Variants in IQCM observed in about 807,000 individuals in gnomAD.
IQCM encodes the protein IQ motif containing M, also known as IQ domain-containing protein M.
A neutral mutation model predicts 57.6 loss-of-function variants in IQCM; 45 were observed. The observed-to-expected ratio is 0.78, with a 90% confidence interval of 0.62 to 1.00. IQCM has a LOEUF of 1.00. IQCM is among the 50% of genes least tolerant of loss of function. IQCM has a pLI of 0.00. For missense variants in IQCM, 468 were observed against 511.6 expected, an observed-to-expected ratio of 0.91 and a Z score of 0.82; for synonymous variants, 148 against 158.9, an observed-to-expected ratio of 0.93 and a Z score of 0.51.
chr4:149,792,225 A>G (rs1772692696), intron 2 of IQCM, among the ~76,000 whole-genome samples: 1 of 152,150 alleles, frequency 6.6e-6, no homozygotes, highest in Non-Finnish European at 1.5e-5. Context: ...ATATTCAACG[A>G]AAAGATTAAC....
rs75590893 is a variant in IQCM, at chr4:149,566,766, A to G, written c.750-2876T>C. 3.5e-3 allele frequency among the ~76,000 whole-genome samples: 529 copies of G among 152,326 alleles called. 2 individuals carry two copies. Among genetic ancestry groups the G allele is most frequent in the African/African-American group, 0.01 (433 of 41,580 alleles). The stretch of plus-strand genomic sequence containing the variant: ...AAACAGATGTACTTTGATCAATACT[A>G]TATCTCTAGATAATTGGAATGTTAA... On this transcript the variant is annotated intron_variant, in intron 9 of 13. Coordinates refer to ENST00000636793, the MANE Select transcript of IQCM (RefSeq NM_001363507.2).
intron 13 of IQCM, among the ~76,000 whole-genome samples, chr4:149,376,851 A>G (rs186241262): frequency 5.8e-4 from 89 of 152,248 alleles, no homozygotes; most frequent in Non-Finnish European, 9.4e-4. Context: ...AAGGCTTTAA[A>G]TCTTGTATGA....
At chr4:149,431,804 TC>T (rs1734891143) in intron 13 of IQCM, among the ~76,000 whole-genome samples, 1 of 151,978 alleles carries the variant, frequency 6.6e-6, no homozygotes, top group Non-Finnish European at 1.5e-5. Context: ...GTTGTGTACA[TC>T]AATAGTTCAC....
chr4:149,402,317 T>A (rs1732671184), intron 13 of IQCM, among the ~76,000 whole-genome samples: 1 of 151,722 alleles, frequency 6.6e-6, no homozygotes, highest in Non-Finnish European at 1.5e-5. Flanking sequence ...TAAAGAAGAA[T>A]CAGTGATGGG....
intron 12 of IQCM, among the ~76,000 whole-genome samples, chr4:149,442,953 C>CACAGAGAG (rs1410484547): frequency 3.1e-5 from 3 of 98,002 alleles, no homozygotes; most frequent in African/African-American, 1.1e-4. Flanking sequence ...CACACACACA[C>CACAGAGAG]AGAGAGAGAG....
At chr4:149,386,653 C>G (rs1405576699) in intron 13 of IQCM, among the ~76,000 whole-genome samples, 1 of 151,966 alleles carries the variant, frequency 6.6e-6, no homozygotes, top group Non-Finnish European at 1.5e-5. Flanking sequence ...AATCAGGATC[C>G]AAACAAGGTC....
chr4:149,498,542 C>A (rs1267521125), intron 12 of IQCM, among the ~76,000 whole-genome samples: 6 of 152,216 alleles, frequency 3.9e-5, no homozygotes, highest in African/African-American at 1.4e-4. Flanking sequence ...AGGCTCTGAG[C>A]AATACCAAGG....
At chr4:149,639,351 G>A (rs977188166) in intron 7 of IQCM, among the ~76,000 whole-genome samples, 3 of 150,990 alleles carry the variant, frequency 2.0e-5, no homozygotes, top group Admixed American at 6.6e-5. Context: ...ACTTGAGCCC[G>A]GGAGATCGAG....
rs528325521 is a variant in IQCM, at chr4:149,648,107, A to G, written c.566-26863T>C. ...CTTTTTATAATTTCCTATTTTCTGC[A>G]GATATTTTCATCTTCTCATTTATTT... is the stretch of plus-strand genomic sequence containing the variant. On this transcript the variant is annotated intron_variant, in intron 7 of 13. Transcript: ENST00000636793. Among the ~76,000 whole-genome samples the G allele has an allele frequency of 2.0e-5, 3 of 152,254 alleles. No individual in the cohort carries two copies. The East Asian group carries it at 5.8e-4, about 29-fold the overall frequency.
chr4:149,657,654 T>G (rs1759754502), intron 7 of IQCM, among the ~76,000 whole-genome samples: 1 of 152,138 alleles, frequency 6.6e-6, no homozygotes, highest in African/African-American at 2.4e-5. Flanking sequence ...TTTCTCTATA[T>G]CTTCGTTAAT....
chr4:149,470,153 G>T (rs1307140288), intron 12 of IQCM, among the ~76,000 whole-genome samples: 1 of 152,108 alleles, frequency 6.6e-6, no homozygotes, highest in Non-Finnish European at 1.5e-5. Context: ...TGGGCTAAAT[G>T]CTCCAATTTA....
rs1040014081 is a variant in IQCM, at chr4:149,659,462, C to A, written c.565+22656G>T. Among the ~76,000 whole-genome samples, 7 of 152,178 alleles carry A rather than the reference C, an allele frequency of 4.6e-5. No homozygotes were observed. In the South Asian group the frequency reaches 8.3e-4, roughly 18 times the overall value. On this transcript the variant is annotated intron_variant, in intron 7 of 13. Transcript: ENST00000636793. ...ATCAAGCTACCAATGACTTTCTTCA[C>A]AGAATTGGAAAAAACTACTTTAAGG...
chr4:149,384,152 C>A (rs896762466), intron 13 of IQCM, among the ~76,000 whole-genome samples: 1 of 151,994 alleles, frequency 6.6e-6, no homozygotes, highest in Non-Finnish European at 1.5e-5. Context: ...TTCAGTAAAG[C>A]AAAGTGATAT....
chr4:149,562,757 A>G (rs1750249409), intron 10 of IQCM, among the ~76,000 whole-genome samples: 1 of 152,158 alleles, frequency 6.6e-6, no homozygotes, highest in Non-Finnish European at 1.5e-5. Context: ...TACATATGTG[A>G]TTCCCATACA....
chr4:149,748,661 T>A (rs568837726), intron 2 of IQCM: 8 of 152,170 alleles, frequency 5.3e-5, no homozygotes, highest in Non-Finnish European at 1.2e-4. Context: ...CATGGACATG[T>A]ACATTGAAGG....
chr4:149,750,025 T>C (rs1214711844), intron 2 of IQCM, among the ~76,000 whole-genome samples: 1 of 152,244 alleles, frequency 6.6e-6, no homozygotes, highest in African/African-American at 2.4e-5. Flanking sequence ...TACAATCTTC[T>C]TTGTTTTCTC....
At chr4:149,633,401 C>G (rs1757460653) in intron 7 of IQCM, among the ~76,000 whole-genome samples, 1 of 151,938 alleles carries the variant, frequency 6.6e-6, no homozygotes, top group Non-Finnish European at 1.5e-5. Context: ...AAGGCTAAGT[C>G]TTAAGAGGAT....
In IQCM at chr4:149,616,536, G is replaced by T. The variant is rs368423445; in HGVS notation, c.681+4593C>A. On this transcript the variant is annotated intron_variant, in intron 8 of 13. Transcript: ENST00000636793. ...AATGATGGTTACACACAATGTGATT[G>T]TGATAAATGCCAAAGAACTATAAAC... is the stretch of plus-strand genomic sequence containing the variant. 9.4e-4 allele frequency among the ~76,000 whole-genome samples: 143 copies of T among 152,174 alleles called. 1 individual carries two copies. Among genetic ancestry groups the T allele is most frequent in the African/African-American group, 3.2e-3 (132 of 41,524 alleles).
Position 149,436,864 on chromosome 4 carries a change from T to A in IQCM, c.1229-3307A>T, listed in dbSNP as rs138771098. ...ATCTGAAGTTTTTTAAATTAGCAAA[T>A]GTATATAACATAGTTGCCAGTATTT... On this transcript the variant is annotated intron_variant, in intron 12 of 13. Transcript: ENST00000636793. 4.9e-4 allele frequency among the ~76,000 whole-genome samples: 75 copies of A among 152,266 alleles called. 2 individuals carry two copies. The East Asian group carries it at 0.011, about 23-fold the overall frequency.
Sources: gnomAD v4.1 joint callset for allele counts (sites outside exome capture counted in the v4.1 genomes callset) on GRCh38, gnomAD v4.1.1 for gene constraint, MANE v1.5 for transcripts, NCBI Gene and HGNC (gene_info 2026-07-23, HGNC 2026-07-21) for gene names.